CCDC146: variants seen among roughly 807,000 people sequenced by gnomAD.
CCDC146 encodes coiled-coil domain containing 146.
CCDC146 carries 92 observed loss-of-function variants against 119.3 expected under a neutral mutation model. The ratio of observed to expected loss-of-function variants is 0.77; its 90% CI spans 0.65 to 0.92. CCDC146 has a LOEUF of 0.92. Ranked by LOEUF, CCDC146 falls within the 40% of genes least tolerant of loss-of-function variation. The pLI is 0.00. For missense variants in CCDC146, 1,000 were observed against 1,103.0 expected (o/e 0.91, Z 1.32); for synonymous variants, 372 against 371.8 (o/e 1.00, Z -0.01).
At chr7:77,229,200 T>G (rs993863458) in intron 2 of CCDC146, among the ~76,000 whole-genome samples, 2 of 152,232 alleles carry the variant, frequency 1.3e-5, no homozygotes, top group Non-Finnish European at 1.5e-5. Context: ...AAATTTACAT[T>G]CCTTATAGAT....
intron 2 of CCDC146, among the ~76,000 whole-genome samples, chr7:77,214,305 GT>G (rs1398854981): frequency 6.6e-6 from 1 of 151,902 alleles, no homozygotes. Flanking sequence ...GAGGTTATTT[GT>G]TTTTTGCTTG....
intron 9 of CCDC146, among the ~76,000 whole-genome samples, chr7:77,266,400 C>T (rs1793403015): frequency 6.6e-6 from 1 of 152,166 alleles, no homozygotes; most frequent in African/African-American, 2.4e-5. Flanking sequence ...GAGTCAGGCA[C>T]AGTCAGGTTC....
At chr7:77,276,301 T>G (rs986779534) in intron 11 of CCDC146, among the ~76,000 whole-genome samples, 2 of 151,900 alleles carry the variant, frequency 1.3e-5, no homozygotes, top group Non-Finnish European at 2.9e-5. Flanking sequence ...TAAGTAAGGA[T>G]TTACATAGAA....
chr7:77,181,920 C>A (rs1019762611), intron 2 of CCDC146, among the ~76,000 whole-genome samples: 2 of 151,858 alleles, frequency 1.3e-5, no homozygotes, highest in African/African-American at 4.8e-5. Context: ...TGATGGTTTG[C>A]GTAATCATAT....
At chr7:77,158,389 C>T (rs1380009731) in intron 1 of CCDC146, among the ~76,000 whole-genome samples, 2 of 151,910 alleles carry the variant, frequency 1.3e-5, no homozygotes, top group African/African-American at 2.4e-5. Flanking sequence ...TTCATATCAC[C>T]GTAGCCTGAG....
chr7:77,271,679 T>C (rs1471954208), intron 9 of CCDC146, among the ~76,000 whole-genome samples: 1 of 150,698 alleles, frequency 6.6e-6, no homozygotes, highest in Non-Finnish European at 1.5e-5. Context: ...TGTCACCTCT[T>C]CCACAAGCCA....
chr7:77,274,569 GAGCTAGT>G lies in CCDC146; in HGVS notation c.1360_1366del (p.Leu454SerfsTer6), dbSNP rs1418579016. ...TTTAAAGGAGCAAGAAAACATGAAA[GAGCTAGT>G]AGTCAACCTTCTCCGCATGACTCAA... On this transcript the variant is annotated frameshift_variant, in exon 11 of 19. Transcript: ENST00000285871. LOFTEE classifies it high-confidence loss of function. 1 of 1,613,056 alleles carries G rather than the reference GAGCTAGT, an allele frequency of 6.2e-7. No individual in the cohort carries two copies. Among genetic ancestry groups the G allele is most frequent in the Non-Finnish European group, 8.5e-7 (1 of 1,179,400 alleles).
rs749171469 is a variant in CCDC146 at position 77,256,488 on chromosome 7, G to A, written c.663G>A (p.Leu221=). The stretch of plus-strand genomic sequence containing the variant: ...AGCAGAAGGAACTAGAAGAATTGTT[G>A]GGACATCAGGTCGTCCTAAAGGTGT... ...LKEQKELEEL[L]GHQVVLKDEV... The change falls in exon 6 of 19, where the codon TTG becomes TTA. Residue 221 remains leucine, a synonymous_variant. Coordinates refer to ENST00000285871, the MANE Select transcript of CCDC146 (RefSeq NM_020879.3). 5 of 1,605,880 alleles carry A rather than the reference G, an allele frequency of 3.1e-6. No homozygotes were observed. The highest frequency in any genetic ancestry group is 1.7e-4 in the Middle Eastern group (1 of 6,040).
chr7:77,241,165 C>T (rs1562844610), intron 3 of CCDC146, among the ~76,000 whole-genome samples: 1 of 150,220 alleles, frequency 6.7e-6, no homozygotes, highest in Non-Finnish European at 1.5e-5. Context: ...TCACGCCATT[C>T]TCCTGCCTCA....
At chr7:77,282,404 A>AT in intron 14 of CCDC146, 153 bp from the exon 15 acceptor site, 1 of 608,846 alleles carries the variant, frequency 1.6e-6, no homozygotes, top group Non-Finnish European at 2.9e-6. Context: ...TGTGGATGTA[A>AT]TTTAACTAGA....
intron 2 of CCDC146, among the ~76,000 whole-genome samples, chr7:77,228,839 A>C (rs1792568238): frequency 6.6e-6 from 1 of 152,122 alleles, no homozygotes; most frequent in South Asian, 2.1e-4. Flanking sequence ...ACTTTTTAAA[A>C]ATTGTTATCT....
chr7:77,229,735 C>T (rs1792583170), intron 2 of CCDC146, among the ~76,000 whole-genome samples: 1 of 151,780 alleles, frequency 6.6e-6, no homozygotes, highest in Middle Eastern at 3.2e-3. Flanking sequence ...GTAGTGTTTT[C>T]ACTAATTTGA....
intron 2 of CCDC146, among the ~76,000 whole-genome samples, chr7:77,221,182 C>G (rs1792397108): frequency 6.6e-6 from 1 of 152,152 alleles, no homozygotes; most frequent in Non-Finnish European, 1.5e-5. Flanking sequence ...ATCCAGTCAC[C>G]TCCCATCAGA....
intron 2 of CCDC146, among the ~76,000 whole-genome samples, chr7:77,189,582 C>T (rs1378161341): frequency 6.6e-6 from 1 of 152,172 alleles, no homozygotes; most frequent in Non-Finnish European, 1.5e-5. Flanking sequence ...GTAAAAGGCA[C>T]AGTCCTTACC....
intron 4 of CCDC146, 104 bp from the exon 5 acceptor site, chr7:77,254,402 A>G: frequency 1.5e-6 from 1 of 654,194 alleles, no homozygotes; most frequent in South Asian, 1.9e-5. Context: ...TGCCTGGCCG[A>G]CAAGCATGGG....
intron 2 of CCDC146, among the ~76,000 whole-genome samples, chr7:77,185,323 CAG>C (rs1301530699): frequency 2.0e-5 from 3 of 152,064 alleles, no homozygotes; most frequent in Admixed American, 6.6e-5. Context: ...CTGAATGGGA[CAG>C]AAATATAAGC....
rs565561918 is a variant in CCDC146, at chr7:77,143,063, C to G, written c.-12+20331C>G. ...AAAAGTGTTCCTATTTCTACACATC[C>G]TCTCCAGCACCTGTTGTTTCCTGAC... On this transcript the variant is annotated intron_variant, in intron 1 of 18. Transcript: ENST00000285871. 1.3e-5 allele frequency among the ~76,000 whole-genome samples: 2 copies of G among 151,906 alleles called. 1 individual carries two copies. Among genetic ancestry groups the G allele is most frequent in the South Asian group, 4.1e-4 (2 of 4,830 alleles).
At position 77,199,734 on chromosome 7, in the gene CCDC146, CA is replaced by C. The variant is rs779171058; in HGVS notation, c.156+31916del. On this transcript the variant is annotated intron_variant, in intron 2 of 18. Transcript: ENST00000285871. ...CCTCTGTTTCATTGTTTGCCACAAC[CA>C]AAAAACCGTAAGTGGCAAGAACAGC... 15 of 1,613,922 alleles carry C rather than the reference CA, an allele frequency of 9.3e-6. No homozygotes were observed. In the Admixed American group the frequency reaches 2.5e-4, roughly 27 times the overall value.
At chr7:77,143,424 G>C (rs1790967137) in intron 1 of CCDC146, among the ~76,000 whole-genome samples, 1 of 151,770 alleles carries the variant, frequency 6.6e-6, no homozygotes, top group Non-Finnish European at 1.5e-5. Flanking sequence ...AGCTTAATTA[G>C]ATCCCATTTA....
Sources: allele counts gnomAD v4.1 joint callset (sites outside exome capture counted in the v4.1 genomes callset), GRCh38; gene constraint gnomAD v4.1.1; transcripts MANE v1.5; gene names NCBI Gene and HGNC (gene_info 2026-07-23, HGNC 2026-07-21).